TBC1D30: variants seen among roughly 807,000 people sequenced by gnomAD.
TBC1D30 encodes TBC1 domain family member 30.
TBC1D30 carries 31 observed loss-of-function variants against 63.2 expected under a neutral mutation model. The observed-to-expected ratio is 0.49, with a 90% CI of 0.37 to 0.66. TBC1D30 has a LOEUF of 0.66. Ranked by LOEUF, TBC1D30 falls within the 30% of genes least tolerant of loss-of-function variation. The pLI, the probability that TBC1D30 is intolerant of heterozygous loss-of-function variation, is 0.00. For missense variants in TBC1D30, 810 were observed against 953.6 expected, an observed-to-expected ratio of 0.85 and a Z score of 1.98; for synonymous variants, 307 against 361.5, an observed-to-expected ratio of 0.85 and a Z score of 1.71.
At chr12:64,793,833 G>C (rs190329826) in intron 2 of TBC1D30, among the ~76,000 whole-genome samples, 2 of 152,292 alleles carry the variant, frequency 1.3e-5, no homozygotes, top group East Asian at 3.9e-4. Flanking sequence ...CTACTGGCTG[G>C]GCTCCATCTG....
chr12:64,845,929 G>T (rs925747756), intron 8 of TBC1D30, among the ~76,000 whole-genome samples: 2 of 152,170 alleles, frequency 1.3e-5, no homozygotes, highest in Middle Eastern at 3.2e-3. Flanking sequence ...CTCCCAAAAT[G>T]CTGGGATTAT....
intron 8 of TBC1D30, among the ~76,000 whole-genome samples, chr12:64,848,100 C>A (rs563152456): frequency 6.6e-6 from 1 of 151,882 alleles, no homozygotes; most frequent in African/African-American, 2.4e-5. Flanking sequence ...ATCATTATAT[C>A]CTCTTGCTGA....
chr12:64,832,205 T>C lies in TBC1D30; in HGVS notation c.495T>C (p.Tyr165=). The C allele has an allele frequency of 6.5e-7, 1 of 1,536,164 alleles. No homozygotes were observed. Among genetic ancestry groups the C allele is most frequent in the Non-Finnish European group, 8.7e-7 (1 of 1,146,912 alleles). ...RVVLKRVLLA[Y]ARWNKTVGYC... ...TGTTGAAGCGGGTGCTGCTGGCCTA[T>C]GCCCGATGGAACAAAACTGTTGGGT... The change falls in exon 5 of 12, where the codon TAT becomes TAC. Residue 165 remains tyrosine (Y), a synonymous_variant. Coordinates refer to ENST00000539867, the MANE Select transcript of TBC1D30 (RefSeq NM_015279.2).
At chr12:64,858,925 G>T (rs762220005) in intron 8 of TBC1D30, among the ~76,000 whole-genome samples, 2 of 152,082 alleles carry the variant, frequency 1.3e-5, no homozygotes, top group Non-Finnish European at 2.9e-5. Flanking sequence ...GAGGGGCAGG[G>T]GTGGAGTGAG....
At chr12:64,824,542 C>G (rs1260656756), upstream of TBC1D30, 1 of 256,584 alleles carries the variant, frequency 3.9e-6, no homozygotes, top group Non-Finnish European at 7.4e-6. Context: ...GCCCCGCCTG[C>G]GCACGGCGGT....
chr12:64,818,440 AT>A (rs869243652), intron 2 of TBC1D30: 96,959 of 690,832 alleles, frequency 0.14, 2 homozygotes, highest in Non-Finnish European at 0.16. Context: ...ACTGTAAACT[AT>A]TTTTTTTTTT....
In TBC1D30 at chr12:64,824,780, C is replaced by T. The variant is rs1233280197; in HGVS notation, c.-100C>T. ...TCCCTGCTCCCACGGGCCGGTCAGCCGCAGACACTCACCCAGCTCCGCGAG... is the reference window on the plus strand; with the variant it reads ...TCCCTGCTCCCACGGGCCGGTCAGCTGCAGACACTCACCCAGCTCCGCGAG... On this transcript the variant is annotated 5_prime_UTR_variant, in exon 1 of 12. Transcript: ENST00000539867. 2.1e-6 allele frequency: 3 copies of T among 1,436,468 alleles called. No individual in the cohort carries two copies. The highest frequency in any genetic ancestry group is 2.8e-5 in the African/African-American group (2 of 70,406). 89.0% of individuals were successfully genotyped at this position (1,436,468 alleles called of 1,614,324 possible).
rs1173726394 is a variant in TBC1D30, at chr12:64,878,493, C to T, written c.*2705C>T. ...CCTCAGTTCCTCTTACAAAAGCCTC[C>T]AGATGATCTAAATCTAGTTAGCAAT... On this transcript the variant is annotated 3_prime_UTR_variant, in exon 12 of 12. Transcript: ENST00000539867. 8 of 456,730 alleles carry T rather than the reference C, an allele frequency of 1.8e-5. No homozygotes were observed. Among genetic ancestry groups the T allele is most frequent in the South Asian group, 1.2e-4 (8 of 64,570 alleles). The allele number at this position is 456,730 out of a possible 1,614,324, so 28.3% of individuals were successfully genotyped here.
At position 64,851,211 on chromosome 12, in the gene TBC1D30, C is replaced by G. The variant is rs570401205; in HGVS notation, c.1038+7726C>G. Among the ~76,000 whole-genome samples, 16 of 152,092 alleles carry G rather than the reference C, an allele frequency of 1.1e-4. 1 individual carries two copies. The highest frequency in any genetic ancestry group is 2.9e-4 in the African/African-American group (12 of 41,502). On this transcript the variant is annotated intron_variant, in intron 8 of 11. Coordinates refer to ENST00000539867, the MANE Select transcript of TBC1D30 (RefSeq NM_015279.2). ...GGTCTGTCTATTTTGTTAATCTTTTCAAAAAACCACCTCCTGGATTCATTG... is the reference window on the plus strand; with the variant it reads ...GGTCTGTCTATTTTGTTAATCTTTTGAAAAAACCACCTCCTGGATTCATTG...
chr12:64,806,906 T>C (rs1872905090), intron 2 of TBC1D30, among the ~76,000 whole-genome samples: 1 of 152,220 alleles, frequency 6.6e-6, no homozygotes, highest in Admixed American at 6.5e-5. Flanking sequence ...GAGAACACTA[T>C]GCTGAGTGAC....
Position 64,832,370 on chromosome 12 carries a change from T to C in TBC1D30, c.594+66T>C, listed in dbSNP as rs17100711. 8,428 of 1,443,200 alleles carry C rather than the reference T, an allele frequency of 5.8e-3. 404 individuals are homozygous for C. The African/African-American group carries it at 0.11, about 18-fold the overall frequency. 89.4% of individuals were successfully genotyped at this position (1,443,200 alleles called of 1,614,324 possible). On this transcript the variant is annotated intron_variant, in intron 5 of 11. Transcript: ENST00000539867. ...GAGAGTGAGAAATTGGAACCATAAT[T>C]TCTCTTCCTTGATGTCTCATCCTTT...
At chr12:64,870,069 G>A (rs1280571957) in intron 10 of TBC1D30, among the ~76,000 whole-genome samples, 1 of 152,218 alleles carries the variant, frequency 6.6e-6, no homozygotes, top group Non-Finnish European at 1.5e-5. Context: ...AGAGTGGACA[G>A]GAAATGTTTG....
At chr12:64,785,922 A>G (rs1258142724) in exon 2 of TBC1D30, 2 of 1,289,766 alleles carry the variant, frequency 1.6e-6, no homozygotes, top group East Asian at 5.5e-5. Flanking sequence ...GCTAAAGTAC[A>G]GAATTGGCAT....
Position 64,876,517 on chromosome 12 carries a change from G to A in TBC1D30, c.*729G>A, listed in dbSNP as rs1025085863. 20 of 291,184 alleles carry A rather than the reference G, an allele frequency of 6.9e-5. 1 individual carries two copies. The highest frequency in any genetic ancestry group is 5.6e-4 in the East Asian group (7 of 12,526). The allele number at this position is 291,184 out of a possible 1,614,324, so 18.0% of individuals were successfully genotyped here. The stretch of plus-strand genomic sequence containing the variant: ...CAGTTGCTCCGGACAGCTTGCTCGC[G>A]CCACTGAGCTTTTCCTGAGGTTTGT... On this transcript the variant is annotated 3_prime_UTR_variant, in exon 12 of 12. Coordinates refer to ENST00000539867, the MANE Select transcript of TBC1D30 (RefSeq NM_015279.2).
At chr12:64,765,077 A>G (rs935744243) in intron 1 of TBC1D30, among the ~76,000 whole-genome samples, 5 of 152,194 alleles carry the variant, frequency 3.3e-5, no homozygotes, top group African/African-American at 1.2e-4. Context: ...CAAAAGATCA[A>G]ACTAATCTGC....
intron 7 of TBC1D30, among the ~76,000 whole-genome samples, chr12:64,842,186 C>T (rs922877011): frequency 1.3e-5 from 2 of 152,034 alleles, no homozygotes; most frequent in Non-Finnish European, 2.9e-5. Flanking sequence ...GGTGAAGCCC[C>T]ATCTCTACTA....
chr12:64,875,433 A>T lies in TBC1D30; in HGVS notation c.1931A>T (p.Asp644Val). ...CAGTCTCCGGAGCCGGTGTTCGGAG[A>T]TGCTGATGTGGATGTGTCTGCAGTT... The part of the protein sequence containing the change: ...EGQSPEPVFG[D>V]ADVDVSAVQA... Residue 644 changes from aspartate to valine, a missense_variant, in exon 12 of 12, where the codon GAT becomes GTT. Physicochemically the swap from Asp to Val is radical, Grantham distance 152. Transcript: ENST00000539867. 1 of 1,536,132 alleles carries T rather than the reference A, an allele frequency of 6.5e-7. No homozygotes were observed. The highest frequency in any genetic ancestry group is 8.7e-7 in the Non-Finnish European group (1 of 1,146,906).
At chr12:64,777,759 T>C (rs998181440), upstream of TBC1D30, among the ~76,000 whole-genome samples, 3 of 152,194 alleles carry the variant, frequency 2.0e-5, no homozygotes, top group African/African-American at 7.2e-5. Context: ...AAAAACTATT[T>C]TAAAATTCAT....
intron 5 of TBC1D30, 95 bp downstream of exon 5, chr12:64,832,399 A>C: frequency 7.8e-7 from 1 of 1,285,998 alleles, no homozygotes; most frequent in Non-Finnish European, 1.1e-6. Context: ...ATCCTTTTCC[A>C]AGGTGTTTGC....
Sources: allele counts gnomAD v4.1 joint callset (sites outside exome capture counted in the v4.1 genomes callset), GRCh38; gene constraint gnomAD v4.1.1; transcripts MANE v1.5; gene names NCBI Gene and HGNC (gene_info 2026-07-23, HGNC 2026-07-21).